MGAT5: variants seen among roughly 807,000 people sequenced by gnomAD.
MGAT5 encodes the protein alpha-1,6-mannosylglycoprotein 6-beta-N-acetylglucosaminyltransferase.
In MGAT5, 30 loss-of-function variants were observed where a neutral mutation model predicts 94.3. The observed-to-expected ratio is 0.32, with a 90% CI of 0.24 to 0.43. MGAT5 has a LOEUF of 0.43. Among genes scored for constraint, MGAT5 ranks in the 20% least tolerant of loss-of-function variants. MGAT5 has a pLI of 1.00. For synonymous variants in MGAT5, 310 were observed against 322.9 expected (o/e 0.96, Z 0.43); for missense variants, 691 against 905.5 (o/e 0.76, Z 3.04).
At chr2:134,146,050 T>G (rs1365953463) in intron 1 of MGAT5, among the ~76,000 whole-genome samples, 1 of 152,222 alleles carries the variant, frequency 6.6e-6, no homozygotes, top group African/African-American at 2.4e-5. Flanking sequence ...CTCCAGTCTT[T>G]ATTCTGCTTT....
At chr2:134,391,407 AC>A (rs994757783) in intron 10 of MGAT5, among the ~76,000 whole-genome samples, 2 of 152,216 alleles carry the variant, frequency 1.3e-5, no homozygotes, top group African/African-American at 4.8e-5. Context: ...AGTACCATAG[AC>A]TAGGTGACTT....
intron 1 of MGAT5, among the ~76,000 whole-genome samples, chr2:134,131,973 A>G (rs1325373165): frequency 6.6e-6 from 1 of 152,212 alleles, no homozygotes; most frequent in East Asian, 1.9e-4. Context: ...GAGCAGGTCT[A>G]GGTCGGCCAG....
chr2:134,341,658 T>C lies in MGAT5; in HGVS notation c.876T>C (p.Gly292=), dbSNP rs1688638738. ...AGATTGCAGAGACAGCTTTCAGTGGTGGCCCTCTTGGTGAATTAGTTCAAT... is the reference window on the plus strand; with the variant it reads ...AGATTGCAGAGACAGCTTTCAGTGGCGGCCCTCTTGGTGAATTAGTTCAAT... ...GFKIAETAFS[G]GPLGELVQWS... Residue 292 remains glycine, a synonymous_variant, in exon 7 of 16, where the codon GGT becomes GGC. Transcript: ENST00000281923. 18 of 1,613,626 alleles carry C rather than the reference T, an allele frequency of 1.1e-5. No homozygotes were observed. The highest frequency in any genetic ancestry group is 1.4e-5 in the Non-Finnish European group (17 of 1,179,736).
At chr2:134,336,453 C>A (rs1234499030) in intron 5 of MGAT5, among the ~76,000 whole-genome samples, 165 bp downstream of exon 5, 2 of 152,056 alleles carry the variant, frequency 1.3e-5, no homozygotes, top group Non-Finnish European at 2.9e-5. Context: ...ATCAGTCAAC[C>A]ATTAGCATAG....
chr2:134,133,247 TG>T (rs1392178271), intron 1 of MGAT5, among the ~76,000 whole-genome samples: 1 of 152,222 alleles, frequency 6.6e-6, no homozygotes, highest in Non-Finnish European at 1.5e-5. Context: ...TGGACTTCTG[TG>T]GTTGAAAAGA....
At chr2:134,299,278 C>A (rs1014921032) in intron 2 of MGAT5, among the ~76,000 whole-genome samples, 3 of 152,164 alleles carry the variant, frequency 2.0e-5, no homozygotes, top group Non-Finnish European at 4.4e-5. Flanking sequence ...AAACAAATTC[C>A]AATTAGAGGA....
intron 10 of MGAT5, among the ~76,000 whole-genome samples, chr2:134,380,265 A>G (rs1213320495): frequency 1.3e-5 from 2 of 152,250 alleles, no homozygotes; most frequent in Non-Finnish European, 2.9e-5. Context: ...GAAATAAGCT[A>G]GAAATACGCA....
intron 11 of MGAT5, among the ~76,000 whole-genome samples, chr2:134,410,636 C>G (rs974860902): frequency 2.6e-5 from 4 of 152,158 alleles, no homozygotes; most frequent in African/African-American, 9.7e-5. Context: ...TAAGCAACAG[C>G]CTCAAATCCT....
chr2:134,319,043 A>G (rs191891922), intron 4 of MGAT5, among the ~76,000 whole-genome samples: 1 of 152,312 alleles, frequency 6.6e-6, no homozygotes, highest in Admixed American at 6.5e-5. Context: ...GGCATTAAGT[A>G]TATTCACATC....
intron 14 of MGAT5, among the ~76,000 whole-genome samples, chr2:134,438,014 CAA>C (rs1276833339): frequency 1.2e-4 from 12 of 101,220 alleles, no homozygotes; most frequent in Non-Finnish European, 1.1e-4. Flanking sequence ...GACTCCGTCT[CAA>C]AAAAAAAAAA....
intron 4 of MGAT5, among the ~76,000 whole-genome samples, chr2:134,324,283 C>G (rs1360711412): frequency 6.6e-6 from 1 of 152,102 alleles, no homozygotes; most frequent in East Asian, 1.9e-4. Context: ...CAAGCTATTG[C>G]TTCAAATGCC....
intron 2 of MGAT5, among the ~76,000 whole-genome samples, chr2:134,273,132 G>A (rs72846770): frequency 1.6e-5 from 2 of 124,614 alleles, no homozygotes; most frequent in Non-Finnish European, 3.3e-5. Flanking sequence ...CCCAGAAGGT[G>A]GGGGGGGGTC....
intron 1 of MGAT5, among the ~76,000 whole-genome samples, chr2:134,156,924 G>A (rs748335669): frequency 2.0e-5 from 3 of 152,178 alleles, no homozygotes; most frequent in African/African-American, 4.8e-5. Context: ...CAGGTAGCTC[G>A]CTTCTTGTCA....
intron 11 of MGAT5, among the ~76,000 whole-genome samples, chr2:134,410,934 G>A (rs1439114): frequency 6.6e-6 from 1 of 152,066 alleles, no homozygotes; most frequent in Non-Finnish European, 1.5e-5. Context: ...GCCCAACCAC[G>A]GCCTGACAGA....
At chr2:134,272,748 G>T (rs575569959) in intron 2 of MGAT5, among the ~76,000 whole-genome samples, 2 of 152,262 alleles carry the variant, frequency 1.3e-5, no homozygotes, top group South Asian at 4.1e-4. Context: ...GTGACTGTTG[G>T]TACTGGAGTC....
chr2:134,387,317 TATATATATA>T (rs1682064128), intron 10 of MGAT5, among the ~76,000 whole-genome samples: 2 of 47,904 alleles, frequency 4.2e-5, no homozygotes, highest in South Asian at 1.0e-3. Flanking sequence ...TATATATATA[TATATATATA>T]TATATATTTT....
intron 1 of MGAT5, among the ~76,000 whole-genome samples, chr2:134,169,456 A>G (rs1483567722): frequency 6.6e-6 from 1 of 151,778 alleles, no homozygotes; most frequent in African/African-American, 2.4e-5. Context: ...AAAAGATTGA[A>G]TTGTACTTCC....
chr2:134,222,491 AATTT>A (rs1680831612), intron 1 of MGAT5, among the ~76,000 whole-genome samples: 1 of 152,282 alleles, frequency 6.6e-6, no homozygotes, highest in African/African-American at 2.4e-5. Flanking sequence ...TAATAAATTT[AATTT>A]CTTTTCCAGC....
upstream of MGAT5, chr2:134,120,165 G>T (rs1191807765): frequency 6.0e-6 from 1 of 165,452 alleles, no homozygotes. Flanking sequence ...CCGCGGCGGC[G>T]GCCCCGGGCG....
Sources: allele counts gnomAD v4.1 joint callset (sites outside exome capture counted in the v4.1 genomes callset), GRCh38; gene constraint gnomAD v4.1.1; transcripts MANE v1.5; gene names NCBI Gene and HGNC (gene_info 2026-07-23, HGNC 2026-07-21).